Variants in KMT5B observed in about 807,000 individuals in gnomAD.
KMT5B encodes histone-lysine N-methyltransferase KMT5B.
In KMT5B, 10 loss-of-function variants were observed where a neutral mutation model predicts 83.2. The ratio of observed to expected loss-of-function variants is 0.12; its 90% CI spans 0.07 to 0.20. KMT5B has a LOEUF of 0.20. Among genes scored for constraint, KMT5B ranks in the 10% least tolerant of loss-of-function variants. The pLI is 1.00. For synonymous variants in KMT5B, 349 were observed against 388.8 expected, an observed-to-expected ratio of 0.90 and a Z score of 1.20; for missense variants, 753 against 1,067.2, an observed-to-expected ratio of 0.71 and a Z score of 4.10.
At chr11:68,198,492 CAAGACAG>C (rs1246448065) in intron 1 of KMT5B, among the ~76,000 whole-genome samples, 2 of 136,690 alleles carry the variant, frequency 1.5e-5, no homozygotes, top group Non-Finnish European at 3.1e-5. Flanking sequence ...CAAGACAAGA[CAAGACAG>C]GGCGGCTAGC....
intron 1 of KMT5B, among the ~76,000 whole-genome samples, chr11:68,210,349 AT>A (rs1371353010): frequency 6.6e-6 from 1 of 152,234 alleles, no homozygotes; most frequent in East Asian, 1.9e-4. Context: ...TACATGAAAC[AT>A]GCAGATGAAC....
Position 68,157,587 on chromosome 11 carries a change from A to G in KMT5B, c.*101T>C. ...CAATAGTATGCTGATAAGTGAAGGG[A>G]CAATAGAAGTGCTGCCACTAAACTT... On this transcript the variant is annotated 3_prime_UTR_variant, in exon 11 of 11. Transcript: ENST00000304363. The G allele has an allele frequency of 1.4e-6, 2 of 1,461,370 alleles. No homozygotes were observed. The highest frequency in any genetic ancestry group is 1.8e-6 in the Non-Finnish European group (2 of 1,109,450). 90.5% of individuals were successfully genotyped at this position (1,461,370 alleles called of 1,614,324 possible).
chr11:68,172,893 A>G (rs1483050966), intron 6 of KMT5B, among the ~76,000 whole-genome samples: 4 of 152,070 alleles, frequency 2.6e-5, no homozygotes, highest in Non-Finnish European at 5.9e-5. Flanking sequence ...TGACCCCCCA[A>G]ATTTTTGTGG....
In KMT5B at chr11:68,158,655, T is replaced by C. The variant is rs766185889; in HGVS notation, c.1691A>G (p.Tyr564Cys). 9.9e-6 allele frequency: 16 copies of C among 1,614,074 alleles called. No homozygotes were observed. Among genetic ancestry groups the C allele is most frequent in the Middle Eastern group, 3.3e-4 (2 of 6,084 alleles). Residue 564 changes from tyrosine to cysteine, a missense_variant, in exon 11 of 11, where the codon TAT (tyrosine) becomes TGT (cysteine). By Grantham distance (194) the Tyr-to-Cys change is radical. Coordinates refer to ENST00000304363, the MANE Select transcript of KMT5B (RefSeq NM_017635.5). ...GCAAGGTTCCGTCACACTGCTTTTA[T>C]AGCCATTCAACGTATTTGGTTCAAG... ...IKLEPNTLNG[Y>C]KSSVTEPCPD...
At chr11:68,203,990 G>A (rs1859761853) in intron 1 of KMT5B, among the ~76,000 whole-genome samples, 1 of 152,048 alleles carries the variant, frequency 6.6e-6, no homozygotes, top group African/African-American at 2.4e-5. Flanking sequence ...AGCTTTCATA[G>A]GGTCAAGCTT....
chr11:68,164,777 CG>C, intron 10 of KMT5B: 1 of 460,266 alleles, frequency 2.2e-6, no homozygotes, highest in South Asian at 1.5e-5. Context: ...CAGCTTAAAG[CG>C]ATTATTCAGT....
chr11:68,184,350 C>T (rs1434303361), intron 3 of KMT5B, among the ~76,000 whole-genome samples: 3 of 151,378 alleles, frequency 2.0e-5, no homozygotes, highest in African/African-American at 4.9e-5. Context: ...CCAGTCTGGG[C>T]GACAGAGTGA....
In KMT5B at chr11:68,160,617, C is replaced by T. The variant is rs116127592; in HGVS notation, c.1175-1446G>A. Among the ~76,000 whole-genome samples the T allele has an allele frequency of 2.4e-3, 364 of 152,268 alleles. 2 individuals carry two copies. Among genetic ancestry groups the T allele is most frequent in the African/African-American group, 7.9e-3 (328 of 41,540 alleles). ...TTGCCAGGGCAACTGCCATTCCTTC[C>T]GCCCAGCTAAGCAAGTAAGTTACCA... On this transcript the variant is annotated intron_variant, in intron 10 of 10. Transcript: ENST00000304363.
intron 1 of KMT5B, among the ~76,000 whole-genome samples, chr11:68,209,568 C>G (rs765025479): frequency 1.3e-5 from 2 of 152,194 alleles, no homozygotes; most frequent in Non-Finnish European, 2.9e-5. Context: ...GGTAGAAACA[C>G]AGGTGTCACA....
chr11:68,202,039 C>G, intron 1 of KMT5B, among the ~76,000 whole-genome samples: 1 of 152,040 alleles, frequency 6.6e-6, no homozygotes, highest in Non-Finnish European at 1.5e-5. Context: ...TGCACTCTAG[C>G]CTAGGTGATA....
At position 68,173,925 on chromosome 11, in the gene KMT5B, A is replaced by AT; in HGVS notation, c.544-13_544-12insA. On this transcript the variant is annotated splice_polypyrimidine_tract_variant and intron_variant, in intron 5 of 10. Coordinates refer to ENST00000304363, the MANE Select transcript of KMT5B (RefSeq NM_017635.5). ...AAATAAATAAATACCTAAAACAGGA[A>AT]AAAAAAATTGATAATGACTTTAAAT... 3 of 1,547,020 alleles carry AT rather than the reference A, an allele frequency of 1.9e-6. No individual in the cohort carries two copies. The highest frequency in any genetic ancestry group is 2.7e-6 in the Non-Finnish European group (3 of 1,127,984).
At chr11:68,184,271 C>T (rs1857223359) in intron 3 of KMT5B, among the ~76,000 whole-genome samples, 1 of 151,930 alleles carries the variant, frequency 6.6e-6, no homozygotes, top group South Asian at 2.1e-4. Context: ...ACTTGGGAAA[C>T]TGAGGCAGAA....
chr11:68,185,535 G>A (rs1490722737), intron 3 of KMT5B, among the ~76,000 whole-genome samples: 1 of 152,162 alleles, frequency 6.6e-6, no homozygotes, highest in Non-Finnish European at 1.5e-5. Flanking sequence ...AGAACATGAG[G>A]ATGCTCCTCC....
chr11:68,187,410 G>C (rs775781781), intron 2 of KMT5B, among the ~76,000 whole-genome samples: 2 of 152,270 alleles, frequency 1.3e-5, no homozygotes, highest in East Asian at 3.9e-4. Flanking sequence ...ACTTCAAAAT[G>C]TTTTCTGATT....
intron 1 of KMT5B, among the ~76,000 whole-genome samples, chr11:68,207,251 A>G (rs879659598): frequency 2.6e-3 from 388 of 151,846 alleles, no homozygotes; most frequent in Non-Finnish European, 3.8e-3. Context: ...TACATCTCCC[A>G]TCCTAAACAT....
chr11:68,210,225 T>C (rs1268019447), intron 1 of KMT5B, among the ~76,000 whole-genome samples: 2 of 149,546 alleles, frequency 1.3e-5, no homozygotes, highest in Non-Finnish European at 3.0e-5. Context: ...GTAGGAGTCA[T>C]ACAGGCCCCC....
At chr11:68,210,822 C>T (rs1275183956) in intron 1 of KMT5B, among the ~76,000 whole-genome samples, 1 of 152,202 alleles carries the variant, frequency 6.6e-6, no homozygotes, top group Non-Finnish European at 1.5e-5. Context: ...TCTTAACCAT[C>T]AGAGCGTTCT....
rs1399482645 is a variant in KMT5B, at chr11:68,156,985, G to T, written c.*703C>A. Reference sequence around the variant, plus strand: ...AGGATTGAAAAGAGTTAAATACAAGGTTTTTAATTTACATGACAAGCAATA... The same window carrying T: ...AGGATTGAAAAGAGTTAAATACAAGTTTTTTAATTTACATGACAAGCAATA... On this transcript the variant is annotated 3_prime_UTR_variant, in exon 11 of 11. Coordinates refer to ENST00000304363, the MANE Select transcript of KMT5B (RefSeq NM_017635.5). 6.6e-6 allele frequency: 1 copy of T among 152,066 alleles called. No homozygotes were observed. Among genetic ancestry groups the T allele is most frequent in the African/African-American group, 2.4e-5 (1 of 41,356 alleles). 9.4% of individuals were successfully genotyped at this position (152,066 alleles called of 1,614,324 possible). A position where few individuals can be genotyped will look rare whatever the true frequency, so the allele number is the denominator to read the frequency against.
intron 1 of KMT5B, among the ~76,000 whole-genome samples, chr11:68,200,866 T>C (rs1216070798): frequency 2.0e-5 from 3 of 152,218 alleles, no homozygotes; most frequent in Non-Finnish European, 4.4e-5. Context: ...ATTGGGATTC[T>C]GCTCCAAGAT....
Sources: gnomAD v4.1 joint callset for allele counts (sites outside exome capture counted in the v4.1 genomes callset) on GRCh38, gnomAD v4.1.1 for gene constraint, MANE v1.5 for transcripts, NCBI Gene and HGNC (gene_info 2026-07-23, HGNC 2026-07-21) for gene names.